MRPL38: variants seen among roughly 807,000 people sequenced by gnomAD.
MRPL38 encodes the protein mitochondrial ribosomal protein L38, also known as large ribosomal subunit protein mL38.
In MRPL38, 51 loss-of-function variants were observed where a neutral mutation model predicts 52.1. That is an observed-to-expected ratio of 0.98 (90% CI 0.78 to 1.24). The LOEUF (loss-of-function observed/expected upper bound fraction) is 1.24. Ranked by LOEUF, MRPL38 falls within the 50% of genes most tolerant of loss-of-function variation. The pLI, the probability that MRPL38 is intolerant of heterozygous loss-of-function variation, is 0.00. For synonymous variants in MRPL38, 245 were observed against 212.7 expected (o/e 1.15, Z -1.32); for missense variants, 527 against 518.6 (o/e 1.02, Z -0.16).
chr17:75,902,796 A>C (rs1413537744), intron 2 of MRPL38, among the ~76,000 whole-genome samples: 1 of 152,148 alleles, frequency 6.6e-6, no homozygotes, highest in Non-Finnish European at 1.5e-5. Context: ...ATCTCGGCAC[A>C]CTGCAACCTC....
At chr17:75,903,413 A>G (rs760760131) in intron 2 of MRPL38, among the ~76,000 whole-genome samples, 7 of 152,344 alleles carry the variant, frequency 4.6e-5, no homozygotes, top group Middle Eastern at 3.4e-3. Flanking sequence ...CTTAAAACAA[A>G]ACAAAACAAA....
chr17:75,904,316 A>G lies in MRPL38; in HGVS notation c.247+224T>C, dbSNP rs184982714. The G allele has an allele frequency of 7.0e-5, 49 of 700,336 alleles. 1 individual carries two copies. In the Admixed American group the frequency reaches 9.1e-4, roughly 13 times the overall value. 43.4% of individuals were successfully genotyped at this position (700,336 alleles called of 1,614,324 possible). The stretch of plus-strand genomic sequence containing the variant: ...CAAATATTTTAGGAGCTGGAACTCT[A>G]ATAGTAGGGGGAGCGAATTTTCCAA... On this transcript the variant is annotated intron_variant, in intron 2 of 8. Transcript: ENST00000309352.
Position 75,902,021 on chromosome 17 carries a change from T to C in MRPL38, c.381A>G (p.Thr127=). The change falls in exon 3 of 9, where the codon ACA becomes ACG. Residue 127 remains threonine, a splice_region_variant and synonymous_variant. Coordinates refer to ENST00000309352, the MANE Select transcript of MRPL38 (RefSeq NM_032478.4). ...VEEERAARLR[T]ASVPLDAVRA... is the part of the protein sequence containing the mutation. ...GGCCCCTCCCCTGAGAAGGCTTACC[T>C]GTGCGGAGGCGGGCAGCCCGCTCCT... is the stretch of plus-strand genomic sequence containing the variant. 6.2e-7 allele frequency: 1 copy of C among 1,613,772 alleles called. No individual in the cohort carries two copies. The highest frequency in any genetic ancestry group is 8.5e-7 in the Non-Finnish European group (1 of 1,179,804).
intron 2 of MRPL38, among the ~76,000 whole-genome samples, chr17:75,903,312 A>G (rs2065413235): frequency 6.6e-6 from 1 of 152,208 alleles, no homozygotes; most frequent in Non-Finnish European, 1.5e-5. Context: ...TGGAGGCAGA[A>G]GCAGGAAAAT....
chr17:75,904,448 C>T (rs1464505828), intron 2 of MRPL38, 92 bp downstream of exon 2: 2 of 1,367,764 alleles, frequency 1.5e-6, no homozygotes, highest in Non-Finnish European at 2.0e-6. Flanking sequence ...CACAAGGGCG[C>T]CGGCAAGGCT....
chr17:75,898,934 C>A lies in MRPL38; in HGVS notation c.1059G>T (p.Lys353Asn). The A allele has an allele frequency of 2.5e-6, 4 of 1,609,404 alleles. No individual in the cohort carries two copies. Among genetic ancestry groups the A allele is most frequent in the Non-Finnish European group, 2.5e-6 (3 of 1,178,850 alleles). The change falls in exon 9 of 9, where the codon AAG (lysine) becomes AAT (asparagine). Residue 353 changes from lysine (K) to asparagine (N), a missense_variant. Lys to Asn is a moderately conservative substitution (Grantham distance 94, BLOSUM62 0). Coordinates refer to ENST00000309352, the MANE Select transcript of MRPL38 (RefSeq NM_032478.4). ...GCTGCCGGTGGGGGAAGCGCTTCTGCTTGGGGTGGTAAGGGGGCGGCCGCA... is the reference window on the plus strand; with the variant it reads ...GCTGCCGGTGGGGGAAGCGCTTCTGATTGGGGTGGTAAGGGGGCGGCCGCA... ...EFVRPPPYHP[K>N]QKRFPHRQPL...
intron 1 of MRPL38, 41 bp downstream of exon 1, chr17:75,904,768 C>CCGGGGGGGGGGGGGG (rs2065421291): frequency 3.8e-6 from 4 of 1,056,374 alleles, no homozygotes; most frequent in Non-Finnish European, 5.0e-6. Context: ...GCTCGGGCGA[C>CCGGGGGGGGGGGGGG]AGCCCCCCCC....
intron 2 of MRPL38, 121 bp from the exon 3 acceptor site, chr17:75,902,275 T>G (rs896224869): frequency 5.3e-5 from 61 of 1,160,226 alleles, no homozygotes; most frequent in Non-Finnish European, 7.2e-5. Flanking sequence ...GGCTAATTTT[T>G]GTATTTTTTG....
Position 75,898,874 on chromosome 17 carries a change from A to G in MRPL38, c.1119T>C (p.His373=), listed in dbSNP as rs145843502. Residue 373 remains histidine, a synonymous_variant, in exon 9 of 9, where the codon CAT becomes CAC. Transcript: ENST00000309352. ...LRYLDRYRDS[H]EPTYGIY ...CTTAGTAGATGCCATAGGTGGGCTC[A>G]TGACTGTCCCTGTACCGGTCCAGGT... 1,894 of 1,612,024 alleles carry G rather than the reference A, an allele frequency of 1.2e-3. 19 individuals are homozygous for G. In the African/African-American group the frequency reaches 0.023, roughly 20 times the overall value.
rs1174660740 is a variant in MRPL38, at chr17:75,898,985, G to A, written c.1008C>T (p.Asp336=). ...CGAACTCAAACACCGGCTCCCGCAT[G>A]TCTGCAAGAAGAGTGAGGGGTACGG... The part of the protein sequence containing the change: ...SVTYIFHQLL[D]MREPVFEFVR... The change falls in exon 9 of 9, where the codon GAC becomes GAT. Residue 336 remains aspartate, a splice_region_variant and synonymous_variant. Coordinates refer to ENST00000309352, the MANE Select transcript of MRPL38 (RefSeq NM_032478.4). 5.6e-6 allele frequency: 9 copies of A among 1,594,802 alleles called. No homozygotes were observed. In the Admixed American group the frequency reaches 1.2e-4, roughly 21 times the overall value.
rs60373576 is a variant in MRPL38, at chr17:75,902,162, G to A, written c.248-8C>T. On this transcript the variant is annotated splice_region_variant and splice_polypyrimidine_tract_variant and intron_variant, in intron 2 of 8. Coordinates refer to ENST00000309352, the MANE Select transcript of MRPL38 (RefSeq NM_032478.4). The stretch of plus-strand genomic sequence containing the variant: ...CAATCTTCTCTTTGGGATCTGGAGT[G>A]GGAAGATGTGTGGGAAAAACAGGGT... The A allele has an allele frequency of 4.0e-3, 6,285 of 1,553,010 alleles. 139 individuals carry two copies. The African/African-American group carries it at 0.056, about 14-fold the overall frequency.
rs758439223 is a variant in MRPL38 at position 75,899,613 on chromosome 17, A to AG, written c.771dup (p.Phe258LeufsTer23). 3.6e-5 allele frequency: 58 copies of AG among 1,607,068 alleles called. No homozygotes were observed. The highest frequency in any genetic ancestry group is 4.0e-5 in the African/African-American group (3 of 74,696). On this transcript the variant is annotated frameshift_variant, in exon 7 of 9. Coordinates refer to ENST00000309352, the MANE Select transcript of MRPL38 (RefSeq NM_032478.4). LOFTEE classifies it high-confidence loss of function. ...TGGATGCCGGAGCCTCGGGCAGGGA[A>AG]GGGGGGGAGGTAGGGACACGTCACC...
At position 75,904,555 on chromosome 17, in the gene MRPL38, A is replaced by C. The variant is rs1371928979; in HGVS notation, c.232T>G (p.Phe78Val). ...PHWWRTYREY[F>V]GEKTDPKEKI... ...CGCCCCGCACCTGTCTTCTCCCCGA[A>C]ATACTCTCGGTAGGTCCGCCACCAG... The change falls in exon 2 of 9, where the codon TTC becomes GTC. Residue 78 changes from phenylalanine to valine, a missense_variant. Transcript: ENST00000309352. The C allele has an allele frequency of 6.4e-7, 1 of 1,560,048 alleles. No homozygotes were observed. The highest frequency in any genetic ancestry group is 2.0e-5 in the Admixed American group (1 of 49,556).
At chr17:75,904,135 G>A (rs1349290064) in intron 2 of MRPL38, 5 of 442,292 alleles carry the variant, frequency 1.1e-5, no homozygotes, top group African/African-American at 6.1e-5. Flanking sequence ...CCAATGGAGG[G>A]CAAGACAAGC....
intron 2 of MRPL38, chr17:75,904,080 A>G (rs1156952987): frequency 3.0e-6 from 1 of 337,910 alleles, no homozygotes; most frequent in Non-Finnish European, 6.0e-6. Context: ...TTCATTCAGC[A>G]AAGTATTGCA....
At position 75,901,081 on chromosome 17, in the gene MRPL38, C is replaced by T; in HGVS notation, c.665-54G>A. The T allele has an allele frequency of 6.3e-7, 1 of 1,598,898 alleles. No homozygotes were observed. The highest frequency in any genetic ancestry group is 8.5e-7 in the Non-Finnish European group (1 of 1,173,684). On this transcript the variant is annotated intron_variant, in intron 5 of 8. Coordinates refer to ENST00000309352, the MANE Select transcript of MRPL38 (RefSeq NM_032478.4). This position sits in a 1 kb window ranked among gnomAD's most constrained non-coding sequence, Gnocchi z 5.7. ...GCCCAGCCGACCACGGCCCTGCCACCCCCTCCCTTGTTAGGAGCCAGCGCT... is the reference window on the plus strand; with the variant it reads ...GCCCAGCCGACCACGGCCCTGCCACTCCCTCCCTTGTTAGGAGCCAGCGCT...
Position 75,902,002 on chromosome 17 carries a change from T to C in MRPL38, c.382+18A>G, listed in dbSNP as rs1334793266. ...TGTACCCCAACTCTGGGATGGCCCCTCCCCTGAGAAGGCTTACCTGTGCGG... is the reference window on the plus strand; with the variant it reads ...TGTACCCCAACTCTGGGATGGCCCCCCCCCTGAGAAGGCTTACCTGTGCGG... On this transcript the variant is annotated intron_variant, in intron 3 of 8. Transcript: ENST00000309352. The C allele has an allele frequency of 2.3e-5, 37 of 1,612,780 alleles. No homozygotes were observed. Among genetic ancestry groups the C allele is most frequent in the Non-Finnish European group, 3.1e-5 (37 of 1,179,164 alleles).
Position 75,898,705 on chromosome 17 carries a change from C to T in MRPL38, c.*145G>A. 1.1e-6 allele frequency: 1 copy of T among 925,268 alleles called. No homozygotes were observed. The highest frequency in any genetic ancestry group is 2.7e-5 in the East Asian group (1 of 37,226). The allele number at this position is 925,268 out of a possible 1,614,324, so 57.3% of individuals were successfully genotyped here. ...CCACCACCTGAGAGTCACTTTCACT[C>T]CAAGCCCTGGGCCTGACGGGAGGGG... On this transcript the variant is annotated 3_prime_UTR_variant, in exon 9 of 9. Transcript: ENST00000309352.
In MRPL38 at chr17:75,902,076, G is replaced by A; in HGVS notation, c.326C>T (p.Ala109Val). The stretch of plus-strand genomic sequence containing the variant: ...CACATTGGCCCGAAGCTCCTGGATG[G>A]CCTGTTTCCGTTCCAGTAGCTGTTG... ...RTQQLLERKQAIQELRANVEE... is the reference protein window; with the variant it reads ...RTQQLLERKQVIQELRANVEE... Residue 109 changes from alanine to valine, a missense_variant, in exon 3 of 9, where the codon GCC becomes GTC. Physicochemically the swap from Ala to Val is moderately conservative, Grantham distance 64. Coordinates refer to ENST00000309352, the MANE Select transcript of MRPL38 (RefSeq NM_032478.4). The A allele has an allele frequency of 6.2e-7, 1 of 1,611,124 alleles. No homozygotes were observed. The highest frequency in any genetic ancestry group is 1.1e-5 in the South Asian group (1 of 90,100).
Sources: allele counts gnomAD v4.1 joint callset (sites outside exome capture counted in the v4.1 genomes callset), GRCh38; gene constraint gnomAD v4.1.1; non-coding constraint Gnocchi (gnomAD v3.1); transcripts MANE v1.5; gene names NCBI Gene and HGNC (gene_info 2026-07-23, HGNC 2026-07-21).